ATRNL1: variants seen among roughly 807,000 people sequenced by gnomAD.
ATRNL1 encodes the protein attractin like 1, also known as attractin-like protein 1.
A neutral mutation model predicts 182.7 loss-of-function variants in ATRNL1; 95 were observed. The observed-to-expected ratio is 0.52, with a 90% CI of 0.44 to 0.62. The LOEUF (loss-of-function observed/expected upper bound fraction) is 0.62. ATRNL1 is among the 20% of genes least tolerant of loss of function. ATRNL1 has a pLI of 0.00. For missense variants in ATRNL1, 1,471 were observed against 1,679.5 expected (o/e 0.88, Z 2.17); for synonymous variants, 576 against 568.3 (o/e 1.01, Z -0.19).
chr10:115,288,642 C>T (rs1269512428), intron 15 of ATRNL1, among the ~76,000 whole-genome samples: 1 of 152,112 alleles, frequency 6.6e-6, no homozygotes, highest in East Asian at 1.9e-4. Context: ...CCGCCTCAGC[C>T]TCCCGAGTAG....
chr10:115,102,149 A>G (rs1564735474), intron 1 of ATRNL1, among the ~76,000 whole-genome samples: 1 of 152,166 alleles, frequency 6.6e-6, no homozygotes, highest in Non-Finnish European at 1.5e-5. Flanking sequence ...CTGCAGTCTT[A>G]TCTGTTTATC....
At chr10:115,912,080 G>T (rs887286553) in intron 28 of ATRNL1, among the ~76,000 whole-genome samples, 2 of 152,104 alleles carry the variant, frequency 1.3e-5, no homozygotes, top group African/African-American at 4.8e-5. Context: ...GGAAGCATTT[G>T]GGGGGAAGAA....
At chr10:115,468,674 G>T (rs1475743778) in intron 23 of ATRNL1, among the ~76,000 whole-genome samples, 2 of 150,762 alleles carry the variant, frequency 1.3e-5, no homozygotes, top group African/African-American at 4.8e-5. Flanking sequence ...TTTGTGGTAA[G>T]ACAAATAAAT....
intron 26 of ATRNL1, among the ~76,000 whole-genome samples, chr10:115,552,276 A>G (rs76068363): frequency 0.012 from 1,767 of 151,398 alleles, 28 homozygotes; most frequent in African/African-American, 0.04. Flanking sequence ...TCCTCTCTTT[A>G]TTCAGTTTTA....
At chr10:115,678,427 A>C (rs1945938050) in intron 26 of ATRNL1, among the ~76,000 whole-genome samples, 3 of 152,096 alleles carry the variant, frequency 2.0e-5, no homozygotes, top group Non-Finnish European at 4.4e-5. Context: ...TATTATTTTA[A>C]AAATTTATGT....
intron 26 of ATRNL1, among the ~76,000 whole-genome samples, chr10:115,677,475 A>G (rs1945901209): frequency 6.6e-6 from 1 of 152,010 alleles, no homozygotes; most frequent in Non-Finnish European, 1.5e-5. Flanking sequence ...GGAGGGACCC[A>G]GGGGGAGGTA....
At chr10:115,124,777 ATCAC>A (rs1844892896) in intron 3 of ATRNL1, among the ~76,000 whole-genome samples, 1 of 152,178 alleles carries the variant, frequency 6.6e-6, no homozygotes, top group Non-Finnish European at 1.5e-5. Flanking sequence ...AGACACTCCC[ATCAC>A]TCAGGAAATT....
intron 5 of ATRNL1, among the ~76,000 whole-genome samples, chr10:115,140,415 C>G (rs1457011456): frequency 1.3e-5 from 2 of 152,174 alleles, no homozygotes; most frequent in Non-Finnish European, 2.9e-5. Context: ...AATTTGTTCT[C>G]TCATGTCTAC....
intron 26 of ATRNL1, among the ~76,000 whole-genome samples, chr10:115,663,925 A>G (rs369003767): frequency 9.9e-5 from 15 of 152,144 alleles, no homozygotes; most frequent in East Asian, 5.8e-4. Flanking sequence ...AAAGAAGTTT[A>G]CTTGGAATTC....
chr10:115,749,514 T>C (rs927445549), intron 27 of ATRNL1, among the ~76,000 whole-genome samples: 1 of 151,838 alleles, frequency 6.6e-6, no homozygotes, highest in African/African-American at 2.4e-5. Context: ...ACAGTAAAGA[T>C]GCTGAACAAA....
At chr10:115,740,639 G>C (rs1593153021) in intron 27 of ATRNL1, among the ~76,000 whole-genome samples, 2 of 152,188 alleles carry the variant, frequency 1.3e-5, no homozygotes, top group South Asian at 4.2e-4. Flanking sequence ...TTGAGTAGCT[G>C]GGAATACAGG....
In ATRNL1 at chr10:115,584,941, A is replaced by G. The variant is rs1349580977; in HGVS notation, c.3795+35405A>G. 3.4e-5 allele frequency among the ~76,000 whole-genome samples: 5 copies of G among 148,816 alleles called. No individual in the cohort carries two copies. The East Asian group carries it at 8.1e-4, about 24-fold the overall frequency. On this transcript the variant is annotated intron_variant, in intron 26 of 28. Coordinates refer to ENST00000355044, the MANE Select transcript of ATRNL1 (RefSeq NM_207303.4). ...TTGAATGCGTCCCAGAGATTCTGGTATGTTGTGTCTTTGTTCTCGTTGGTT... is the reference window on the plus strand; with the variant it reads ...TTGAATGCGTCCCAGAGATTCTGGTGTGTTGTGTCTTTGTTCTCGTTGGTT...
chr10:115,189,873 C>G (rs1434996086), intron 8 of ATRNL1, among the ~76,000 whole-genome samples: 1 of 152,124 alleles, frequency 6.6e-6, no homozygotes, highest in African/African-American at 2.4e-5. Context: ...AGAGCAACTT[C>G]CAGTCCTGCA....
chr10:115,268,837 T>G (rs903423837), intron 13 of ATRNL1, among the ~76,000 whole-genome samples: 1 of 152,214 alleles, frequency 6.6e-6, no homozygotes, highest in Non-Finnish European at 1.5e-5. Flanking sequence ...GTCTAGTGCT[T>G]TGTTTTCACA....
Position 115,533,005 on chromosome 10 carries a change from A to G in ATRNL1, c.3716+13681A>G, listed in dbSNP as rs576783331. On this transcript the variant is annotated intron_variant, in intron 25 of 28. Coordinates refer to ENST00000355044, the MANE Select transcript of ATRNL1 (RefSeq NM_207303.4). ...GATAAGCTTTTTGATGTGCTGCTGGATTCGGTTTGCCAGTATTTTATTGAG... is the reference window on the plus strand; with the variant it reads ...GATAAGCTTTTTGATGTGCTGCTGGGTTCGGTTTGCCAGTATTTTATTGAG... Among the ~76,000 whole-genome samples the G allele has an allele frequency of 3.3e-5, 5 of 151,924 alleles. No homozygotes were observed. The East Asian group carries it at 7.8e-4, about 24-fold the overall frequency.
chr10:115,105,402 G>A (rs958336119), intron 1 of ATRNL1, among the ~76,000 whole-genome samples: 2 of 152,172 alleles, frequency 1.3e-5, no homozygotes, highest in Non-Finnish European at 2.9e-5. Flanking sequence ...GAAATGTACA[G>A]CCTGACAATG....
chr10:115,424,083 C>CA (rs1845769177), intron 20 of ATRNL1, among the ~76,000 whole-genome samples: 1 of 151,946 alleles, frequency 6.6e-6, no homozygotes, highest in African/African-American at 2.4e-5. Flanking sequence ...AACTCAATAG[C>CA]AAAAAACCCC....
At position 115,462,046 on chromosome 10, in the gene ATRNL1, A is replaced by G. The variant is rs781931171; in HGVS notation, c.3417+11A>G. The G allele has an allele frequency of 2.5e-6, 4 of 1,575,208 alleles. No individual in the cohort carries two copies. Among genetic ancestry groups the G allele is most frequent in the South Asian group, 1.2e-5 (1 of 86,700 alleles). On this transcript the variant is annotated intron_variant, in intron 22 of 28. Coordinates refer to ENST00000355044, the MANE Select transcript of ATRNL1 (RefSeq NM_207303.4). ...GCAAACCCAGAACAGGTGAGGAAAA[A>G]TTGTTATCTTTTAAAGTATAATTAT...
chr10:115,518,174 G>A (rs1850734597), intron 24 of ATRNL1, among the ~76,000 whole-genome samples: 1 of 151,726 alleles, frequency 6.6e-6, no homozygotes, highest in Non-Finnish European at 1.5e-5. Flanking sequence ...ACAATTATAG[G>A]ATTAATTTCC....
Sources: gnomAD v4.1 joint callset for allele counts (sites outside exome capture counted in the v4.1 genomes callset) on GRCh38, gnomAD v4.1.1 for gene constraint, MANE v1.5 for transcripts, NCBI Gene and HGNC (gene_info 2026-07-23, HGNC 2026-07-21) for gene names.